The following TM9SF2 variants were observed in gnomAD, a reference collection of about 807,000 sequenced individuals.
TM9SF2 encodes transmembrane 9 superfamily member 2.
Under a neutral mutation model 84.9 loss-of-function variants are expected in TM9SF2, and 13 were observed. The ratio of observed to expected loss-of-function variants is 0.15; its 90% CI spans 0.10 to 0.24. TM9SF2 has a LOEUF of 0.24. Ranked by LOEUF, TM9SF2 falls within the 10% of genes least tolerant of loss-of-function variation. The pLI is 1.00. For missense variants in TM9SF2, 562 were observed against 818.5 expected, an observed-to-expected ratio of 0.69 and a Z score of 3.82; for synonymous variants, 273 against 285.8, an observed-to-expected ratio of 0.96 and a Z score of 0.45.
intron 12 of TM9SF2, among the ~76,000 whole-genome samples, chr13:99,549,941 A>G (rs1013003472): frequency 9.9e-5 from 15 of 152,164 alleles, no homozygotes; most frequent in Admixed American, 2.6e-4. Flanking sequence ...TATTCTCTCT[A>G]TCACCTCCAC....
intron 10 of TM9SF2, among the ~76,000 whole-genome samples, chr13:99,544,552 C>T (rs1486734716): frequency 6.6e-6 from 1 of 152,110 alleles, no homozygotes; most frequent in Non-Finnish European, 1.5e-5. Flanking sequence ...TCCTTAAGAC[C>T]ATCAGCATCT....
Position 99,547,020 on chromosome 13 carries a change from C to G in TM9SF2, c.1186C>G (p.Arg396Gly). The G allele has an allele frequency of 6.2e-7, 1 of 1,614,168 alleles. No individual in the cohort carries two copies. The highest frequency in any genetic ancestry group is 1.1e-5 in the South Asian group (1 of 91,086). Residue 396 changes from arginine (R) to glycine (G), a missense_variant, in exon 11 of 17, where the codon CGA becomes GGA. Physicochemically the swap from Arg to Gly is moderately radical, Grantham distance 125 (BLOSUM62 -2). Transcript: ENST00000376387. ...ACLGFLSPAN[R>G]GALMTCAVVL... ...CCTGGGATTTTTGTCACCTGCCAAC[C>G]GAGGAGCGCTGATGACGTGTGCTGT...
At chr13:99,540,588 A>C (rs553517603) in intron 7 of TM9SF2, 126 bp from the exon 8 acceptor site, 10 of 625,956 alleles carry the variant, frequency 1.6e-5, no homozygotes, top group African/African-American at 7.4e-5. Flanking sequence ...GACTAACCAA[A>C]GTTAGATAAT....
intron 13 of TM9SF2, among the ~76,000 whole-genome samples, chr13:99,553,290 G>A (rs1350635009): frequency 6.6e-6 from 1 of 152,208 alleles, no homozygotes. Context: ...GCAGAAGCTG[G>A]CACTGTTCCA....
rs759282370 is a variant in TM9SF2, at chr13:99,544,040, T to C, written c.1150+45T>C. ...TTTCAAGTAGAAAATACTTTCTAAA[T>C]ACAGTAATTGCTTAAAAACCAGTTT... On this transcript the variant is annotated intron_variant, in intron 10 of 16. Transcript: ENST00000376387. 5 of 1,605,448 alleles carry C rather than the reference T, an allele frequency of 3.1e-6. No individual in the cohort carries two copies. The Admixed American group carries it at 8.4e-5, about 27-fold the overall frequency.
At chr13:99,533,264 T>C (rs2046218722) in intron 4 of TM9SF2, among the ~76,000 whole-genome samples, 1 of 152,056 alleles carries the variant, frequency 6.6e-6, no homozygotes, top group Non-Finnish European at 1.5e-5. Flanking sequence ...TACAAGAAAA[T>C]ATTAAGTAAA....
intron 3 of TM9SF2, among the ~76,000 whole-genome samples, chr13:99,526,985 G>A (rs1291967604): frequency 1.3e-5 from 2 of 152,176 alleles, no homozygotes; most frequent in Non-Finnish European, 1.5e-5. Flanking sequence ...CAGTGAGGCA[G>A]CATCCGTCAG....
chr13:99,558,719 A>G (rs562400393), intron 15 of TM9SF2, among the ~76,000 whole-genome samples: 2 of 124,598 alleles, frequency 1.6e-5, no homozygotes, highest in Admixed American at 1.7e-4. Context: ...TAGCTGTTGC[A>G]TTTTGTGTGT....
intron 3 of TM9SF2, among the ~76,000 whole-genome samples, chr13:99,521,152 AAAATT>A (rs1425950091): frequency 2.0e-5 from 3 of 152,250 alleles, no homozygotes; most frequent in Admixed American, 6.5e-5. Flanking sequence ...ACCATATAAA[AAAATT>A]AAATGATGCA....
chr13:99,515,882 G>C (rs2046132149), intron 1 of TM9SF2, among the ~76,000 whole-genome samples: 1 of 151,968 alleles, frequency 6.6e-6, no homozygotes, highest in Non-Finnish European at 1.5e-5. Flanking sequence ...ACAGGTATGT[G>C]CCAATACACC....
intron 2 of TM9SF2, among the ~76,000 whole-genome samples, chr13:99,519,237 T>C (rs1406807939): frequency 6.6e-6 from 1 of 152,132 alleles, no homozygotes; most frequent in Non-Finnish European, 1.5e-5. Flanking sequence ...GTGGATATTC[T>C]TAGGAAAAGT....
intron 12 of TM9SF2, among the ~76,000 whole-genome samples, chr13:99,549,953 G>A (rs971576760): frequency 1.3e-5 from 2 of 152,162 alleles, no homozygotes; most frequent in Admixed American, 6.5e-5. Flanking sequence ...CACCTCCACC[G>A]AAGATTCACA....
chr13:99,507,761 A>G (rs894905377), intron 1 of TM9SF2, among the ~76,000 whole-genome samples: 21 of 152,220 alleles, frequency 1.4e-4, no homozygotes, highest in Non-Finnish European at 2.5e-4. Flanking sequence ...TGGCCTCCAT[A>G]TCTCAAACCC....
chr13:99,562,502 G>T (rs570956232), intron 16 of TM9SF2, among the ~76,000 whole-genome samples, 189 bp from the exon 17 acceptor site: 1 of 152,174 alleles, frequency 6.6e-6, no homozygotes, highest in East Asian at 1.9e-4. Context: ...ACCAATTTTT[G>T]TAAGAAACTT....
Position 99,554,314 on chromosome 13 carries a change from A to G in TM9SF2, c.1499A>G (p.His500Arg). The change falls in exon 14 of 17, where the codon CAC becomes CGC. Residue 500 changes from histidine to arginine, a missense_variant. By Grantham distance (29) the His-to-Arg change is conservative. Coordinates refer to ENST00000376387, the MANE Select transcript of TM9SF2 (RefSeq NM_004800.3). Reference sequence around the variant, plus strand: ...CTTTTTTTACTGAAGGCCATTGAACACCCAGTTCGAACCAATCAGATTCCA... The same window carrying G: ...CTTTTTTTACTGAAGGCCATTGAACGCCCAGTTCGAACCAATCAGATTCCA... ...YFGFKKNAIE[H>R]PVRTNQIPRQ... 1 of 1,612,084 alleles carries G rather than the reference A, an allele frequency of 6.2e-7. No individual in the cohort carries two copies. Among genetic ancestry groups the G allele is most frequent in the Admixed American group, 1.7e-5 (1 of 59,610 alleles).
At chr13:99,517,826 G>C in intron 2 of TM9SF2, 145 bp downstream of exon 2, 1 of 423,684 alleles carries the variant, frequency 2.4e-6, no homozygotes, top group Non-Finnish European at 4.1e-6. Context: ...TTAAAAATGT[G>C]ATCTTTTTTT....
chr13:99,542,668 G>A (rs999222394), intron 9 of TM9SF2, among the ~76,000 whole-genome samples: 19 of 151,936 alleles, frequency 1.3e-4, no homozygotes, highest in African/African-American at 3.9e-4. Context: ...AGCTTTTAAC[G>A]TTTGTACTCT....
At chr13:99,558,028 T>G (rs2046331226) in intron 15 of TM9SF2, among the ~76,000 whole-genome samples, 1 of 152,244 alleles carries the variant, frequency 6.6e-6, no homozygotes, top group Admixed American at 6.5e-5. Flanking sequence ...TCCAGCTACA[T>G]TATTTGACGT....
chr13:99,549,070 G>C (rs146006754), intron 11 of TM9SF2, 95 bp from the exon 12 acceptor site: 8 of 1,000,976 alleles, frequency 8.0e-6, no homozygotes, highest in Non-Finnish European at 1.1e-5. Flanking sequence ...ACTCATTGCT[G>C]TCTGACAGTT....
Sources: gnomAD v4.1 joint callset for allele counts (sites outside exome capture counted in the v4.1 genomes callset) on GRCh38, gnomAD v4.1.1 for gene constraint, MANE v1.5 for transcripts, NCBI Gene and HGNC (gene_info 2026-07-23, HGNC 2026-07-21) for gene names.